Variants in TENM3 observed in about 807,000 individuals in gnomAD.
TENM3 encodes the protein teneurin-3.
A neutral mutation model predicts 255.1 loss-of-function variants in TENM3; 63 were observed. The observed-to-expected ratio is 0.25, with a 90% CI of 0.20 to 0.30. The LOEUF (loss-of-function observed/expected upper bound fraction) is 0.30, where lower values mean the gene tolerates loss of function less well. Ranked by LOEUF, TENM3 falls within the 10% of genes least tolerant of loss-of-function variation. TENM3 has a pLI of 1.00. For missense variants in TENM3, 2,929 were observed against 3,461.1 expected (o/e 0.85, Z 3.86); for synonymous variants, 1,306 against 1,322.3 (o/e 0.99, Z 0.27).
the TENM3 span, among the ~76,000 whole-genome samples, chr4:181,629,921 C>T: frequency 6.6e-6 from 1 of 152,152 alleles, no homozygotes; most frequent in Non-Finnish European, 1.5e-5. Context: ...GGTACCAGCT[C>T]CTCCTTGTAC....
chr4:182,239,701 T>C (rs182393804), upstream of TENM3, among the ~76,000 whole-genome samples: 41 of 152,198 alleles, frequency 2.7e-4, no homozygotes, highest in Non-Finnish European at 5.3e-4. Flanking sequence ...AGGGAGAAAA[T>C]ACCACTATGG....
chr4:182,447,467 G>A (rs888256155), intron 3 of TENM3, among the ~76,000 whole-genome samples: 8 of 152,186 alleles, frequency 5.3e-5, no homozygotes, highest in Admixed American at 6.5e-5. Flanking sequence ...AAGCTAGTAT[G>A]TTCAAGAAGA....
intron 22 of TENM3, among the ~76,000 whole-genome samples, chr4:182,771,495 A>C (rs187486870): frequency 7.7e-6 from 1 of 130,602 alleles, no homozygotes; most frequent in African/African-American, 2.6e-5. Context: ...TCCGTCTCTG[A>C]AATGGGGGGG....
In TENM3 at chr4:182,250,054, CT is replaced by C. The variant is rs957483629; in HGVS notation, c.-76+6594del. ...CATTTTTCTTTTTCTTTTCTTTTTT[CT>C]TTTTTTTTTTTTTTTGAGACGGAGT... On this transcript the variant is annotated intron_variant, in intron 1 of 27. Coordinates refer to ENST00000511685, the MANE Select transcript of TENM3 (RefSeq NM_001080477.4). Among the ~76,000 whole-genome samples the C allele has an allele frequency of 1.7e-3, 222 of 128,406 alleles. 1 individual carries two copies. The highest frequency in any genetic ancestry group is 2.9e-3 in the African/African-American group (97 of 33,524). The allele number at this position is 128,406 out of a possible 152,430, so 84.2% of individuals were successfully genotyped here. A position where few individuals can be genotyped will look rare whatever the true frequency, so the allele number is the denominator to read the frequency against.
chr4:182,780,703 C>T (rs1230300518), intron 24 of TENM3, among the ~76,000 whole-genome samples: 1 of 150,824 alleles, frequency 6.6e-6, no homozygotes, highest in Non-Finnish European at 1.5e-5. Context: ...GAATGTTCTT[C>T]CATTTGTTTG....
Position 182,147,874 on chromosome 4 carries a change from A to C in TENM3, c.-76+3120A>C, listed in dbSNP as rs1750075790. Among the ~76,000 whole-genome samples, 6 of 152,312 alleles carry C rather than the reference A, an allele frequency of 3.9e-5. No individual in the cohort carries two copies. The South Asian group carries it at 1.2e-3, about 32-fold the overall frequency. ...GCATTCGGAGTAAAGTCTGTTGAAA[A>C]GATAACACAATATTACGTTATTTAA... is the stretch of plus-strand genomic sequence containing the variant. On this transcript the variant is annotated intron_variant, in intron 1 of 2. Coordinates refer to the TENM3 transcript ENST00000512480.
At chr4:182,209,129 G>T (rs190194305) in intron 1 of TENM3, among the ~76,000 whole-genome samples, 3 of 151,874 alleles carry the variant, frequency 2.0e-5, no homozygotes, top group Non-Finnish European at 4.4e-5. Context: ...CACCATGCCC[G>T]GCCAATTTTT....
At chr4:181,888,591 C>CGTGTGTGTGTGTGT in the TENM3 span, among the ~76,000 whole-genome samples, 8,793 of 89,370 alleles carry the variant, frequency 0.098, 554 homozygotes, top group Middle Eastern at 0.2. Context: ...TATATATATG[C>CGTGTGTGTGTGTGT]GTGTGTGTGT....
the TENM3 span, among the ~76,000 whole-genome samples, chr4:181,501,841 TAG>T: frequency 3.3e-5 from 5 of 152,198 alleles, no homozygotes; most frequent in Non-Finnish European, 5.9e-5. Context: ...GTCGGTGCTA[TAG>T]AGTCTGAGGA....
chr4:181,862,748 G>C, the TENM3 span, among the ~76,000 whole-genome samples: 6 of 151,902 alleles, frequency 3.9e-5, no homozygotes, highest in Admixed American at 6.6e-5. Flanking sequence ...TTCTATTATC[G>C]TTCCTCAATT....
chr4:181,630,070 G>A, the TENM3 span, among the ~76,000 whole-genome samples: 1 of 152,186 alleles, frequency 6.6e-6, no homozygotes, highest in African/African-American at 2.4e-5. Flanking sequence ...TCTTTGGAGG[G>A]TGTATGTGTC....
chr4:182,738,092 T>G (rs566527547), intron 17 of TENM3, among the ~76,000 whole-genome samples: 35 of 152,328 alleles, frequency 2.3e-4, no homozygotes, highest in African/African-American at 7.7e-4. Context: ...TGAGACTGAC[T>G]GATCTAATTA....
At chr4:182,515,426 G>A (rs981009984) in intron 3 of TENM3, among the ~76,000 whole-genome samples, 9 of 152,068 alleles carry the variant, frequency 5.9e-5, no homozygotes, top group African/African-American at 2.2e-4. Flanking sequence ...TAAGATTACA[G>A]CCATTTCAGT....
chr4:182,464,050 G>T (rs1362747448), intron 3 of TENM3, among the ~76,000 whole-genome samples: 1 of 152,136 alleles, frequency 6.6e-6, no homozygotes, highest in African/African-American at 2.4e-5. Flanking sequence ...AATAGACCAA[G>T]AAATTGCTAC....
At chr4:181,822,289 T>G in the TENM3 span, among the ~76,000 whole-genome samples, 1 of 152,214 alleles carries the variant, frequency 6.6e-6, no homozygotes, top group African/African-American at 2.4e-5. Flanking sequence ...GCTTTAATAG[T>G]GAGTTTATTA....
intron 5 of TENM3, among the ~76,000 whole-genome samples, chr4:182,652,938 C>T (rs1489906392): frequency 6.6e-6 from 1 of 152,116 alleles, no homozygotes; most frequent in Non-Finnish European, 1.5e-5. Context: ...GACAGCGACA[C>T]ATTTTTCTAA....
the TENM3 span, among the ~76,000 whole-genome samples, chr4:182,100,614 T>TATATACACACATATATATACACACAC: frequency 8.1e-5 from 4 of 49,366 alleles, no homozygotes; most frequent in African/African-American, 2.6e-4. Context: ...TATACACACA[T>TATATACACACATATATATACACACAC]ATATATACAC....
chr4:181,589,880 C>A, the TENM3 span, among the ~76,000 whole-genome samples: 1 of 152,118 alleles, frequency 6.6e-6, no homozygotes, highest in Non-Finnish European at 1.5e-5. Context: ...CTTCTAGTAT[C>A]GAGAGGACAT....
At chr4:181,675,121 C>T in the TENM3 span, among the ~76,000 whole-genome samples, 28 of 151,930 alleles carry the variant, frequency 1.8e-4, no homozygotes, top group Non-Finnish European at 3.5e-4. Context: ...CGCCTGAATC[C>T]GGGTATATTA....
Sources: allele counts gnomAD v4.1 joint callset (sites outside exome capture counted in the v4.1 genomes callset), GRCh38; gene constraint gnomAD v4.1.1; transcripts MANE v1.5; gene names NCBI Gene and HGNC (gene_info 2026-07-23, HGNC 2026-07-21).